KAZN: variants seen among roughly 807,000 people sequenced by gnomAD.
KAZN encodes the protein kazrin, periplakin interacting protein.
KAZN carries 40 observed loss-of-function variants against 87.4 expected under a neutral mutation model. The ratio of observed to expected loss-of-function variants is 0.46; its 90% CI spans 0.36 to 0.60. The LOEUF (loss-of-function observed/expected upper bound fraction) is 0.60. Ranked by LOEUF, KAZN falls within the 20% of genes least tolerant of loss-of-function variation. KAZN has a pLI of 0.00. For missense variants in KAZN, 898 were observed against 1,073.9 expected (o/e 0.84, Z 2.29); for synonymous variants, 466 against 458.3 (o/e 1.02, Z -0.22).
At position 14,820,302 on chromosome 1, in the gene KAZN, G is replaced by A. The variant is rs1247349923; in HGVS notation, c.227-140382G>A. Reference sequence around the variant, plus strand: ...TAACTGTTTCCCCGCAGAGGCTTCAGGGCTTTTGAGGGTTACTTAGCCAAG... The same window carrying A: ...TAACTGTTTCCCCGCAGAGGCTTCAAGGCTTTTGAGGGTTACTTAGCCAAG... On this transcript the variant is annotated intron_variant, in intron 1 of 14. Transcript: ENST00000376030. The surrounding 1 kb of genome is among the most constrained non-coding windows in gnomAD (Gnocchi z 4.1). Among the ~76,000 whole-genome samples the A allele has an allele frequency of 6.6e-6, 1 of 152,204 alleles. No homozygotes were observed. Among genetic ancestry groups the A allele is most frequent in the Admixed American group, 6.5e-5 (1 of 15,280 alleles).
intron 4 of KAZN, 62 bp downstream of exon 4, chr1:15,044,221 G>A: frequency 2.1e-6 from 3 of 1,418,908 alleles, no homozygotes; most frequent in Non-Finnish European, 2.8e-6. Flanking sequence ...CTGGGAGCCG[G>A]GACGTCTGGC....
intron 2 of KAZN, among the ~76,000 whole-genome samples, chr1:14,576,464 AATGG>A (rs924859427): frequency 6.6e-6 from 1 of 150,566 alleles, no homozygotes; most frequent in Admixed American, 6.6e-5. Flanking sequence ...TGGATATATT[AATGG>A]ATGGATGGAT....
At chr1:14,509,588 A>G (rs1268526735) in intron 2 of KAZN, among the ~76,000 whole-genome samples, 3 of 152,214 alleles carry the variant, frequency 2.0e-5, no homozygotes, top group African/African-American at 7.2e-5. Context: ...CTAAGAGCAA[A>G]GAGACACACC....
intron 1 of KAZN, among the ~76,000 whole-genome samples, chr1:13,910,537 CA>C (rs377061050): frequency 5.9e-5 from 9 of 151,652 alleles, no homozygotes; most frequent in South Asian, 2.1e-4. Flanking sequence ...ACACCTCCCC[CA>C]CCTTGCTCCT....
chr1:15,048,795 T>G (rs1319783755), intron 4 of KAZN, among the ~76,000 whole-genome samples: 3 of 150,228 alleles, frequency 2.0e-5, no homozygotes, highest in Admixed American at 6.6e-5. Context: ...CCTTGGTCAT[T>G]GGTCCTGAGT....
chr1:14,626,183 C>G (rs1460473398), intron 1 of KAZN, among the ~76,000 whole-genome samples: 2 of 152,212 alleles, frequency 1.3e-5, no homozygotes, highest in East Asian at 3.9e-4. Context: ...TGTCCTCTTT[C>G]TCTCCTGCTG....
intron 2 of KAZN, among the ~76,000 whole-genome samples, chr1:14,200,272 A>G (rs1319592413): frequency 6.6e-6 from 1 of 152,312 alleles, no homozygotes; most frequent in East Asian, 1.9e-4. Context: ...TGTCCATAAT[A>G]AATTGGTAAA....
At chr1:14,830,108 G>A (rs1027617361) in intron 1 of KAZN, among the ~76,000 whole-genome samples, 1 of 152,306 alleles carries the variant, frequency 6.6e-6, no homozygotes, top group East Asian at 1.9e-4. Context: ...TATTAAAAAG[G>A]CCAAAGGTAG....
intron 1 of KAZN, among the ~76,000 whole-genome samples, chr1:14,133,659 A>T (rs981559605): frequency 6.6e-6 from 1 of 152,054 alleles, no homozygotes; most frequent in Non-Finnish European, 1.5e-5. Context: ...CCTGTTCTTG[A>T]CCAAGCAGAG....
intron 1 of KAZN, among the ~76,000 whole-genome samples, chr1:14,723,463 G>A (rs1320673378): frequency 6.6e-6 from 1 of 152,230 alleles, no homozygotes; most frequent in African/African-American, 2.4e-5. Flanking sequence ...ATCACGGCCT[G>A]TGGCCTCATC....
chr1:14,081,746 C>CTTTGT, intron 1 of KAZN, among the ~76,000 whole-genome samples: 1 of 151,870 alleles, frequency 6.6e-6, no homozygotes, highest in South Asian at 2.1e-4. Context: ...GTCCCTTTTG[C>CTTTGT]TTTGTTTTGT....
At chr1:14,412,635 G>T (rs1005342173) in intron 2 of KAZN, among the ~76,000 whole-genome samples, 1 of 151,984 alleles carries the variant, frequency 6.6e-6, no homozygotes, top group African/African-American at 2.4e-5. Flanking sequence ...TCTAGAGAAA[G>T]GAAGGGCTGG....
At position 14,735,006 on chromosome 1, in the gene KAZN, C is replaced by T. The variant is rs748390594; in HGVS notation, c.226+135783C>T. Among the ~76,000 whole-genome samples the T allele has an allele frequency of 1.3e-5, 2 of 152,172 alleles. No homozygotes were observed. Among genetic ancestry groups the T allele is most frequent in the Admixed American group, 6.5e-5 (1 of 15,280 alleles). On this transcript the variant is annotated intron_variant, in intron 1 of 14. Coordinates refer to ENST00000376030, the MANE Select transcript of KAZN (RefSeq NM_201628.3). This position sits in a 1 kb window ranked among gnomAD's most constrained non-coding sequence, Gnocchi z 4.3. ...CAGGAGGCAGTAGGTGTGCCTTGTA[C>T]GAGGATGTGCGTCTTGGTTTTGGGG... is the stretch of plus-strand genomic sequence containing the variant.
intron 2 of KAZN, among the ~76,000 whole-genome samples, chr1:14,297,416 C>T (rs1284029975): frequency 2.6e-5 from 4 of 152,186 alleles, no homozygotes; most frequent in Admixed American, 2.6e-4. Flanking sequence ...CTCCCTGGCT[C>T]TAAGCAAGAC....
intron 8 of KAZN, among the ~76,000 whole-genome samples, chr1:15,088,331 G>A (rs1191133245): frequency 6.6e-6 from 1 of 152,210 alleles, no homozygotes; most frequent in East Asian, 1.9e-4. Context: ...CCTCATTTAG[G>A]GGAGACGTCA....
At chr1:14,367,315 C>T (rs1440879338) in intron 2 of KAZN, among the ~76,000 whole-genome samples, 1 of 152,226 alleles carries the variant, frequency 6.6e-6, no homozygotes, top group East Asian at 1.9e-4. Flanking sequence ...GTCCGGCTAC[C>T]TGCAGCCAGA....
intron 2 of KAZN, among the ~76,000 whole-genome samples, chr1:14,223,842 G>A (rs1397401381): frequency 1.3e-5 from 2 of 152,140 alleles, no homozygotes; most frequent in African/African-American, 4.8e-5. Context: ...ATGGTCAGAG[G>A]GGCAGTGGCA....
intron 1 of KAZN, among the ~76,000 whole-genome samples, chr1:14,762,697 C>G (rs531000438): frequency 6.6e-6 from 1 of 151,610 alleles, no homozygotes; most frequent in African/African-American, 2.4e-5. Context: ...TGCACTCTAG[C>G]CTGGGTGACA....
At chr1:14,066,147 A>G (rs968909953) in intron 1 of KAZN, among the ~76,000 whole-genome samples, 2 of 152,124 alleles carry the variant, frequency 1.3e-5, no homozygotes, top group Middle Eastern at 3.2e-3. Flanking sequence ...AGTTGCTGCA[A>G]ACATCATTAT....
Sources: gnomAD v4.1 joint callset for allele counts (sites outside exome capture counted in the v4.1 genomes callset) on GRCh38, gnomAD v4.1.1 for gene constraint, Gnocchi (gnomAD v3.1) non-coding constraint, MANE v1.5 for transcripts, NCBI Gene and HGNC (gene_info 2026-07-23, HGNC 2026-07-21) for gene names.